The following DPY19L4 variants were observed in gnomAD, a reference collection of about 807,000 sequenced individuals.
DPY19L4 encodes the protein probable C-mannosyltransferase DPY19L4.
DPY19L4 carries 97 observed loss-of-function variants against 102.8 expected under a neutral mutation model. That is an observed-to-expected ratio of 0.94 (90% CI 0.80 to 1.12). DPY19L4 has a LOEUF of 1.12. Ranked by LOEUF, DPY19L4 falls within the 50% of genes most tolerant of loss-of-function variation. The pLI is 0.00. For missense variants in DPY19L4, 815 were observed against 850.4 expected (o/e 0.96, Z 0.52); for synonymous variants, 252 against 283.1 (o/e 0.89, Z 1.10).
At chr8:94,748,043 AT>A (rs1811758023) in intron 6 of DPY19L4, among the ~76,000 whole-genome samples, 2 of 152,140 alleles carry the variant, frequency 1.3e-5, no homozygotes, top group South Asian at 4.1e-4. Context: ...AGTGGGTCTC[AT>A]TTGATTTTGT....
rs1352733162 is a variant in DPY19L4 at position 94,792,567 on chromosome 8, G to C, written c.*2657G>C. 6.6e-6 allele frequency: 1 copy of C among 150,838 alleles called. No individual in the cohort carries two copies. The highest frequency in any genetic ancestry group is 2.4e-5 in the African/African-American group (1 of 41,228). The allele number at this position is 150,838 out of a possible 1,614,324, so 9.3% of individuals were successfully genotyped here. On this transcript the variant is annotated 3_prime_UTR_variant, in exon 19 of 19. Coordinates refer to ENST00000414645, the MANE Select transcript of DPY19L4 (RefSeq NM_181787.3). ...CCGGCGCAAGTCTTTGTTAAAAGTAGAGATGGAGGCCAGGCGCAGTGGCTC... is the reference window on the plus strand; with the variant it reads ...CCGGCGCAAGTCTTTGTTAAAAGTACAGATGGAGGCCAGGCGCAGTGGCTC...
At position 94,780,175 on chromosome 8, in the gene DPY19L4, A is replaced by G. The variant is rs140556231; in HGVS notation, c.1576-184A>G. 5.3e-4 allele frequency among the ~76,000 whole-genome samples: 81 copies of G among 152,244 alleles called. 1 individual carries two copies. In the East Asian group the frequency reaches 0.013, roughly 25 times the overall value. Reference sequence around the variant, plus strand: ...TGTCTCACTTTACTTCCAGCTTAATATCTTTGAAAGTCATTAGTTTTCACC... The same window carrying G: ...TGTCTCACTTTACTTCCAGCTTAATGTCTTTGAAAGTCATTAGTTTTCACC... On this transcript the variant is annotated intron_variant, in intron 14 of 18. Coordinates refer to ENST00000414645, the MANE Select transcript of DPY19L4 (RefSeq NM_181787.3).
intron 6 of DPY19L4, among the ~76,000 whole-genome samples, chr8:94,740,600 G>A (rs1463114456): frequency 6.6e-6 from 1 of 152,074 alleles, no homozygotes; most frequent in South Asian, 2.1e-4. Context: ...GACTACAGGC[G>A]CCCGCCACCA....
At chr8:94,758,580 C>T (rs1812265701) in intron 7 of DPY19L4, among the ~76,000 whole-genome samples, 1 of 152,194 alleles carries the variant, frequency 6.6e-6, no homozygotes, top group Non-Finnish European at 1.5e-5. Context: ...ATAATTTTGT[C>T]ACCTTGAAAG....
rs756316107 is a variant in DPY19L4 at position 94,734,620 on chromosome 8, A to G, written c.128-10A>G. ...ATTACCTTTTCATTACTTTTAATAT[A>G]CTTTTTCAGATGTATTATTTCAACG... is the stretch of plus-strand genomic sequence containing the variant. On this transcript the variant is annotated splice_polypyrimidine_tract_variant and intron_variant, in intron 2 of 18. Transcript: ENST00000414645. The G allele has an allele frequency of 3.7e-6, 6 of 1,608,190 alleles. No homozygotes were observed. In the South Asian group the frequency reaches 5.5e-5, roughly 15 times the overall value.
intron 17 of DPY19L4, among the ~76,000 whole-genome samples, chr8:94,786,177 A>G (rs1813641820): frequency 6.6e-6 from 1 of 152,102 alleles, no homozygotes; most frequent in Non-Finnish European, 1.5e-5. Flanking sequence ...CTCAGGCTGG[A>G]GTGCAGTGGC....
intron 14 of DPY19L4, among the ~76,000 whole-genome samples, chr8:94,778,556 C>T: frequency 6.6e-6 from 1 of 152,134 alleles, no homozygotes; most frequent in Non-Finnish European, 1.5e-5. Context: ...CTTTCTTCAA[C>T]CTGCCAGCTC....
intron 12 of DPY19L4, 66 bp from the exon 13 acceptor site, chr8:94,770,386 C>A (rs914499563): frequency 5.7e-5 from 83 of 1,463,126 alleles, no homozygotes; most frequent in Middle Eastern, 1.8e-4. Context: ...AGATGATAAA[C>A]AATGTATCTT....
chr8:94,755,018 G>A (rs1586364377), intron 6 of DPY19L4, among the ~76,000 whole-genome samples: 1 of 151,994 alleles, frequency 6.6e-6, no homozygotes, highest in Non-Finnish European at 1.5e-5. Context: ...GAACTCCTGA[G>A]CTTAAGTGAT....
rs111569041 is a variant in DPY19L4, at chr8:94,759,119, C to T, written c.736-2581C>T. ...AGATGGCATGGACCCAAAGAGTGAG[C>T]GGTAGCAAGGTTTATTGTGACGAGC... On this transcript the variant is annotated intron_variant, in intron 7 of 18. Coordinates refer to ENST00000414645, the MANE Select transcript of DPY19L4 (RefSeq NM_181787.3). Among the ~76,000 whole-genome samples the T allele has an allele frequency of 3.8e-3, 579 of 152,192 alleles. 2 individuals are homozygous for T. The highest frequency in any genetic ancestry group is 0.013 in the African/African-American group (544 of 41,538).
At chr8:94,743,556 A>C (rs1811540139) in intron 6 of DPY19L4, among the ~76,000 whole-genome samples, 1 of 151,818 alleles carries the variant, frequency 6.6e-6, no homozygotes, top group Non-Finnish European at 1.5e-5. Flanking sequence ...AGGCAGGAGG[A>C]TCACTTAAGC....
rs184963826 is a variant in DPY19L4, at chr8:94,790,761, T to A, written c.*851T>A. ...ACATGTTTTCTACTGAAGTACTAAG[T>A]AAAAAAATTAAATCATTATCAGAAT... On this transcript the variant is annotated 3_prime_UTR_variant, in exon 19 of 19. Transcript: ENST00000414645. The A allele has an allele frequency of 1.7e-4, 26 of 152,080 alleles. No homozygotes were observed. In the East Asian group the frequency reaches 5.0e-3, roughly 29 times the overall value. 9.4% of individuals were successfully genotyped at this position (152,080 alleles called of 1,614,324 possible). A position where few individuals can be genotyped will look rare whatever the true frequency, so the allele number is the denominator to read the frequency against.
chr8:94,750,522 C>T (rs1391676207), intron 6 of DPY19L4, among the ~76,000 whole-genome samples: 1 of 152,096 alleles, frequency 6.6e-6, no homozygotes, highest in African/African-American at 2.4e-5. Context: ...TTTCATTTGA[C>T]TCTCACATGT....
intron 13 of DPY19L4, among the ~76,000 whole-genome samples, chr8:94,771,788 A>G (rs1432249580): frequency 6.6e-6 from 1 of 152,196 alleles, no homozygotes; most frequent in Non-Finnish European, 1.5e-5. Context: ...AGCATGTGGC[A>G]GGCTTTGTTG....
At chr8:94,762,792 T>C (rs980746485) in intron 8 of DPY19L4, among the ~76,000 whole-genome samples, 1 of 152,010 alleles carries the variant, frequency 6.6e-6, no homozygotes, top group African/African-American at 2.4e-5. Flanking sequence ...GAGGATCACT[T>C]GACCAGCCTG....
At chr8:94,720,045 G>C (rs751180517) in intron 1 of DPY19L4, 31 bp downstream of exon 1, 2 of 1,524,996 alleles carry the variant, frequency 1.3e-6, no homozygotes, top group Non-Finnish European at 8.8e-7. Context: ...CGCGCCAACG[G>C]CTGCCAGTGG....
intron 13 of DPY19L4, among the ~76,000 whole-genome samples, chr8:94,770,988 C>T (rs1015488033): frequency 1.3e-5 from 2 of 151,112 alleles, no homozygotes; most frequent in African/African-American, 4.9e-5. Context: ...AATCTCAGCT[C>T]ACTTCAACCT....
intron 11 of DPY19L4, 111 bp from the exon 12 acceptor site, chr8:94,768,284 C>G: frequency 1.3e-6 from 1 of 783,568 alleles, no homozygotes; most frequent in Non-Finnish European, 2.0e-6. Context: ...TATAAGTAAA[C>G]GGGTTTAGGA....
rs568747613 is a variant in DPY19L4 at position 94,770,692 on chromosome 8, G to T, written c.1454+121G>T. ...GCGGGTGGCTCACCTGAGTTCAGGA[G>T]TTTGAGACAGTGTGACTCTGTCAAC... On this transcript the variant is annotated intron_variant, in intron 13 of 18. Transcript: ENST00000414645. The T allele has an allele frequency of 1.3e-5, 16 of 1,244,166 alleles. No individual in the cohort carries two copies. In the South Asian group the frequency reaches 2.1e-4, roughly 16 times the overall value. 77.1% of individuals were successfully genotyped at this position (1,244,166 alleles called of 1,614,324 possible). A position where few individuals can be genotyped will look rare whatever the true frequency, so the allele number is the denominator to read the frequency against.
Sources: allele counts gnomAD v4.1 joint callset (sites outside exome capture counted in the v4.1 genomes callset), GRCh38; gene constraint gnomAD v4.1.1; transcripts MANE v1.5; gene names NCBI Gene and HGNC (gene_info 2026-07-23, HGNC 2026-07-21).